GRIA3: variants seen among roughly 807,000 people sequenced by gnomAD.
GRIA3 encodes the protein glutamate receptor 3.
In GRIA3, 3 loss-of-function variants were observed where a neutral mutation model predicts 63.0. The ratio of observed to expected loss-of-function variants is 0.05; its 90% CI spans 0.02 to 0.12. GRIA3 has a LOEUF of 0.12. Among genes scored for constraint, GRIA3 ranks in the 10% least tolerant of loss-of-function variants. GRIA3 has a pLI of 1.00. For missense variants in GRIA3, 347 were observed against 700.9 expected (o/e 0.50, Z 5.70); for synonymous variants, 274 against 257.9 (o/e 1.06, Z -0.60).
intron 13 of GRIA3, among the ~76,000 whole-genome samples, chrX:123,471,319 A>T (rs1277063655): frequency 3.6e-5 from 4 of 112,235 alleles, no homozygotes; most frequent in Non-Finnish European, 5.6e-5. Flanking sequence ...ACCGGAAAAA[A>T]ATGTAATCCA....
At chrX:123,395,946 T>C (rs1383806646) in intron 6 of GRIA3, among the ~76,000 whole-genome samples, 1 of 110,254 alleles carries the variant, frequency 9.1e-6, no homozygotes, top group Non-Finnish European at 1.9e-5. Context: ...GGGATCAAAA[T>C]AGAGTCAAGA....
intron 6 of GRIA3, among the ~76,000 whole-genome samples, chrX:123,397,054 A>G (rs2045418271): frequency 8.9e-6 from 1 of 112,090 alleles, no homozygotes; most frequent in Admixed American, 9.5e-5. Context: ...GAAGTTGCAG[A>G]GCCATACAAA....
intron 1 of GRIA3, among the ~76,000 whole-genome samples, chrX:123,185,508 A>AGGGGGGGGG (rs3216834): frequency 2.4e-5 from 1 of 40,964 alleles, no homozygotes; most frequent in Non-Finnish European, 5.0e-5. Context: ...CGGGGGGCGG[A>AGGGGGGGGG]GGGGGGGGGC....
At chrX:123,252,845 T>C (rs911601553) in intron 2 of GRIA3, among the ~76,000 whole-genome samples, 5 of 112,076 alleles carry the variant, frequency 4.5e-5, no homozygotes, top group African/African-American at 1.6e-4. Context: ...GGGTAACACA[T>C]TTCCTAGCAG....
chrX:123,185,374 C>T (rs1293722581), intron 1 of GRIA3, among the ~76,000 whole-genome samples: 1 of 110,251 alleles, frequency 9.1e-6, no homozygotes, highest in Non-Finnish European at 1.9e-5. Context: ...TGAACCAACC[C>T]CCTGTATTGT....
chrX:123,185,090 G>A, intron 1 of GRIA3: 1 of 306,323 alleles, frequency 3.3e-6, no homozygotes, highest in Non-Finnish European at 6.4e-6. Context: ...TGCTCAGTCC[G>A]TGGTCTCCGG....
chrX:123,432,843 T>C lies in GRIA3; in HGVS notation c.2076+4704T>C, dbSNP rs1234898246. On this transcript the variant is annotated intron_variant, in intron 12 of 15. Coordinates refer to ENST00000620443, the MANE Select transcript of GRIA3 (RefSeq NM_007325.5). ...AAACTAAACTTGCTGACTTAGCCTA[T>C]TGCACTAACCACTAAACTCAGCTTC... Among the ~76,000 whole-genome samples, 16 of 111,958 alleles carry C rather than the reference T, an allele frequency of 1.4e-4. No homozygotes were observed. The Admixed American group carries it at 1.5e-3, about 11-fold the overall frequency.
rs772302821 is a variant in GRIA3 at position 123,189,761 on chromosome X, T to G, written c.268+3771T>G. Among the ~76,000 whole-genome samples the G allele has an allele frequency of 2.7e-5, 3 of 112,297 alleles. No homozygotes were observed. In the East Asian group the frequency reaches 8.4e-4, roughly 31 times the overall value. On this transcript the variant is annotated intron_variant, in intron 2 of 15. Transcript: ENST00000620443. ...TGGAGGCACAATGGTGATGGTGGGATTGAGAATAGGACTTAGGAGTGCAGG... is the reference window on the plus strand; with the variant it reads ...TGGAGGCACAATGGTGATGGTGGGAGTGAGAATAGGACTTAGGAGTGCAGG...
intron 4 of GRIA3, among the ~76,000 whole-genome samples, chrX:123,336,214 G>A (rs866094034): frequency 4.4e-5 from 2 of 45,682 alleles, no homozygotes; most frequent in African/African-American, 1.4e-4. Context: ...GCATGTAAAT[G>A]AGCAATAACA....
At chrX:123,479,062 T>A (rs1180650930) in intron 13 of GRIA3, among the ~76,000 whole-genome samples, 1 of 113,220 alleles carries the variant, frequency 8.8e-6, no homozygotes, top group Non-Finnish European at 1.9e-5. Flanking sequence ...TGGCTCTGAA[T>A]GCAGTCCTTA....
At chrX:123,251,156 C>T (rs1170985525) in intron 2 of GRIA3, among the ~76,000 whole-genome samples, 1 of 112,180 alleles carries the variant, frequency 8.9e-6, no homozygotes, top group Non-Finnish European at 1.9e-5. Flanking sequence ...ATACTATTCT[C>T]ATTATTAATG....
chrX:123,351,266 G>A (rs1478914199), intron 4 of GRIA3, among the ~76,000 whole-genome samples: 2 of 111,121 alleles, frequency 1.8e-5, no homozygotes, highest in Non-Finnish European at 3.8e-5. Context: ...ATTATGCATC[G>A]CACTAAGTAC....
chrX:123,273,650 C>T (rs746397293), intron 3 of GRIA3, among the ~76,000 whole-genome samples: 4 of 111,670 alleles, frequency 3.6e-5, no homozygotes, highest in Admixed American at 9.5e-5. Context: ...ATTGTGGCCA[C>T]GGGGGCCCAA....
rs1238836401 is a variant in GRIA3 at position 123,463,628 on chromosome X, GAAA to G, written c.2077-1236_2077-1234del. Among the ~76,000 whole-genome samples, 13 of 33,229 alleles carry G rather than the reference GAAA, an allele frequency of 3.9e-4. 1 individual carries two copies. Among genetic ancestry groups the G allele is most frequent in the African/African-American group, 2.2e-3 (12 of 5,519 alleles). The allele number at this position is 33,229 out of a possible 115,157, so 28.9% of individuals were successfully genotyped here. ...GGAGGGAGGGAAAGAAAGAAAGAAA[GAAA>G]GAAAGAAAGAAAGAAAGAAAGAAAG... On this transcript the variant is annotated intron_variant, in intron 12 of 15. Coordinates refer to ENST00000620443, the MANE Select transcript of GRIA3 (RefSeq NM_007325.5).
At chrX:123,484,463 G>T (rs2045930281) in intron 15 of GRIA3, among the ~76,000 whole-genome samples, 1 of 110,787 alleles carries the variant, frequency 9.0e-6, no homozygotes, top group Non-Finnish European at 1.9e-5. Context: ...TTGTTTTGGG[G>T]TTTTTTTGGG....
At chrX:123,381,215 A>C (rs1005104832) in intron 5 of GRIA3, among the ~76,000 whole-genome samples, 26 of 111,205 alleles carry the variant, frequency 2.3e-4, no homozygotes, top group Non-Finnish European at 4.9e-4. Flanking sequence ...CAGCCTAAGG[A>C]GAAAATCTAA....
intron 2 of GRIA3, among the ~76,000 whole-genome samples, chrX:123,231,918 C>T (rs1352348988): frequency 8.9e-6 from 1 of 111,779 alleles, no homozygotes; most frequent in African/African-American, 3.3e-5. Flanking sequence ...TATTAAAATA[C>T]TTATTAAATC....
intron 3 of GRIA3, among the ~76,000 whole-genome samples, chrX:123,272,350 C>T (rs2044529047): frequency 9.0e-6 from 1 of 111,687 alleles, no homozygotes; most frequent in Non-Finnish European, 1.9e-5. Context: ...AGTGGCTACC[C>T]GCCTCAGTGA....
intron 3 of GRIA3, among the ~76,000 whole-genome samples, chrX:123,312,858 G>A (rs1023570990): frequency 8.9e-6 from 1 of 112,131 alleles, no homozygotes; most frequent in Non-Finnish European, 1.9e-5. Context: ...CAAGTATTGT[G>A]GTCATGGTCA....
Sources: gnomAD v4.1 joint callset for allele counts (sites outside exome capture counted in the v4.1 genomes callset) on GRCh38, gnomAD v4.1.1 for gene constraint, MANE v1.5 for transcripts, NCBI Gene and HGNC (gene_info 2026-07-23, HGNC 2026-07-21) for gene names.